The following NRG3 variants were observed in gnomAD, a reference collection of about 807,000 sequenced individuals.
The protein encoded by NRG3 is neuregulin 3.
Under a neutral mutation model 66.9 loss-of-function variants are expected in NRG3, and 31 were observed. The ratio of observed to expected loss-of-function variants is 0.46; its 90% CI spans 0.35 to 0.63. The LOEUF (loss-of-function observed/expected upper bound fraction) is 0.63, where lower values mean the gene tolerates loss of function less well. Among genes scored for constraint, NRG3 ranks in the 20% least tolerant of loss-of-function variants. The pLI, the probability that NRG3 is intolerant of heterozygous loss-of-function variation, is 0.00. For missense variants in NRG3, 910 were observed against 878.9 expected, an observed-to-expected ratio of 1.04 and a Z score of -0.45; for synonymous variants, 393 against 359.4, an observed-to-expected ratio of 1.09 and a Z score of -1.06.
chr10:82,533,686 T>G (rs2132671566), intron 2 of NRG3, among the ~76,000 whole-genome samples: 1 of 152,240 alleles, frequency 6.6e-6, no homozygotes, highest in Admixed American at 6.5e-5. Context: ...AGGACCAAAG[T>G]AAGGATACGT....
chr10:82,527,777 C>A (rs1275933810), intron 2 of NRG3, among the ~76,000 whole-genome samples: 4 of 152,122 alleles, frequency 2.6e-5, no homozygotes, highest in Non-Finnish European at 5.9e-5. Context: ...TCTTAATGAG[C>A]TCTTTTGTTT....
At chr10:82,924,075 C>G (rs1442512016) in intron 4 of NRG3, among the ~76,000 whole-genome samples, 1 of 114,892 alleles carries the variant, frequency 8.7e-6, no homozygotes, top group South Asian at 2.8e-4. Flanking sequence ...GGCAACATAG[C>G]GAGACTGTCT....
At position 82,831,302 on chromosome 10, in the gene NRG3, G is replaced by GT. The variant is rs2062508613; in HGVS notation, c.1028-34108dup. Among the ~76,000 whole-genome samples the GT allele has an allele frequency of 2.6e-5, 4 of 152,278 alleles. No homozygotes were observed. In the South Asian group the frequency reaches 8.3e-4, roughly 32 times the overall value. ...CAAGAAGTCTACTTAACTGATAGGAGTCAGATTTGTACCTGGGACTGCTGA... is the reference window on the plus strand; with the variant it reads ...CAAGAAGTCTACTTAACTGATAGGAGTTCAGATTTGTACCTGGGACTGCTGA... On this transcript the variant is annotated intron_variant, in intron 3 of 8. Transcript: ENST00000372141.
intron 1 of NRG3, among the ~76,000 whole-genome samples, chr10:82,061,038 GT>G (rs1160618209): frequency 6.6e-6 from 1 of 152,150 alleles, no homozygotes. Flanking sequence ...AAGTTGTATT[GT>G]TTTGGTTTGG....
rs1015049451 is a variant in NRG3, at chr10:82,068,241, C to A, written c.823+192078C>A. ...CATAACTGTTTAGAATGCCTTTTAA[C>A]AATTAGTATTTAGTGTCTCACTTTA... On this transcript the variant is annotated intron_variant, in intron 1 of 8. Transcript: ENST00000372141. Among the ~76,000 whole-genome samples, 51 of 152,160 alleles carry A rather than the reference C, an allele frequency of 3.4e-4. 3 individuals are homozygous for A.
At chr10:82,862,778 C>T (rs376670288) in intron 3 of NRG3, among the ~76,000 whole-genome samples, 6 of 152,178 alleles carry the variant, frequency 3.9e-5, no homozygotes, top group South Asian at 2.1e-4. Flanking sequence ...GAGAAGTCAA[C>T]GACCTGAACA....
chr10:82,259,461 T>C (rs753615776), intron 1 of NRG3, among the ~76,000 whole-genome samples: 1 of 152,092 alleles, frequency 6.6e-6, no homozygotes, highest in Non-Finnish European at 1.5e-5. Context: ...TTATGAAAAT[T>C]CCAGCACCTA....
At chr10:82,045,041 CT>C (rs1023282987) in intron 1 of NRG3, among the ~76,000 whole-genome samples, 2 of 151,102 alleles carry the variant, frequency 1.3e-5, no homozygotes, top group African/African-American at 4.9e-5. Context: ...GTGCATGTGT[CT>C]TTATAGCAGC....
chr10:81,875,330 C>G lies in NRG3; in HGVS notation c.-11C>G, dbSNP rs1841521661. ...CCCTCGGGGGGGCGAAGGTGAAGAC[C>G]GGCTCCTAGGATGAGTGAAGGGGCG... On this transcript the variant is annotated 5_prime_UTR_variant, in exon 1 of 9. Coordinates refer to ENST00000372141, the MANE Select transcript of NRG3 (RefSeq NM_001010848.4). This position sits in a 1 kb window ranked among gnomAD's most constrained non-coding sequence, Gnocchi z 5.3. The G allele has an allele frequency of 2.0e-6, 2 of 986,328 alleles. No individual in the cohort carries two copies. The highest frequency in any genetic ancestry group is 3.5e-5 in the African/African-American group (2 of 56,722). 61.1% of individuals were successfully genotyped at this position (986,328 alleles called of 1,614,324 possible). A position where few individuals can be genotyped will look rare whatever the true frequency, so the allele number is the denominator to read the frequency against.
chr10:82,582,288 G>A (rs2046397653), intron 2 of NRG3, among the ~76,000 whole-genome samples: 1 of 152,058 alleles, frequency 6.6e-6, no homozygotes, highest in African/African-American at 2.4e-5. Context: ...AAATAAAATG[G>A]GAGGTAAGGA....
chr10:82,951,421 G>C, intron 4 of NRG3, 48 bp from the exon 5 acceptor site: 4 of 1,433,128 alleles, frequency 2.8e-6, no homozygotes, highest in Non-Finnish European at 3.9e-6. Flanking sequence ...GATAGTTGCT[G>C]ATGCACCCCG....
At chr10:82,920,074 A>G (rs1057337002) in intron 4 of NRG3, among the ~76,000 whole-genome samples, 9 of 152,196 alleles carry the variant, frequency 5.9e-5, no homozygotes, top group African/African-American at 1.9e-4. Context: ...GACATGTAAA[A>G]GTTGGACAAA....
rs139469289 is a variant in NRG3 at position 82,884,211 on chromosome 10, C to A, written c.1054+18774C>A. Among the ~76,000 whole-genome samples, 87 of 152,042 alleles carry A rather than the reference C, an allele frequency of 5.7e-4. No homozygotes were observed. The East Asian group carries it at 9.5e-3, about 17-fold the overall frequency. ...ACATAACTGCAGTTGTTTTATATAG[C>A]CTTTAGTCAACAAAAATATCACTCT... On this transcript the variant is annotated intron_variant, in intron 4 of 8. Transcript: ENST00000372141.
intron 1 of NRG3, among the ~76,000 whole-genome samples, chr10:82,340,129 G>A (rs2082604731): frequency 6.6e-6 from 1 of 152,112 alleles, no homozygotes; most frequent in Non-Finnish European, 1.5e-5. Flanking sequence ...ATATGGGGGT[G>A]GTGGTTGGGG....
At chr10:82,713,972 G>C (rs183297750) in intron 2 of NRG3, among the ~76,000 whole-genome samples, 135 of 152,128 alleles carry the variant, frequency 8.9e-4, no homozygotes, top group African/African-American at 2.6e-3. Context: ...TGAAGGAGCC[G>C]CCATGGTTGT....
chr10:82,319,303 G>A (rs532173715), intron 1 of NRG3, among the ~76,000 whole-genome samples: 1 of 152,148 alleles, frequency 6.6e-6, no homozygotes, highest in African/African-American at 2.4e-5. Flanking sequence ...TTAGTCAATC[G>A]CTTTTTCTAA....
At chr10:82,688,778 A>G (rs574760505) in intron 2 of NRG3, among the ~76,000 whole-genome samples, 1 of 151,790 alleles carries the variant, frequency 6.6e-6, no homozygotes, top group African/African-American at 2.4e-5. Flanking sequence ...AGAAAAAAAA[A>G]AAAGAAAAGA....
At chr10:82,893,222 A>G (rs1843326619) in intron 4 of NRG3, among the ~76,000 whole-genome samples, 1 of 152,196 alleles carries the variant, frequency 6.6e-6, no homozygotes, top group Admixed American at 6.5e-5. Context: ...CAGCCTCCAC[A>G]AATTTCAAAG....
intron 1 of NRG3, among the ~76,000 whole-genome samples, chr10:82,120,631 A>G (rs891639662): frequency 3.3e-5 from 5 of 152,136 alleles, no homozygotes; most frequent in African/African-American, 7.2e-5. Context: ...GGATATTTCA[A>G]TTGTACTGTC....
Sources: gnomAD v4.1 joint callset for allele counts (sites outside exome capture counted in the v4.1 genomes callset) on GRCh38, gnomAD v4.1.1 for gene constraint, Gnocchi (gnomAD v3.1) non-coding constraint, MANE v1.5 for transcripts, NCBI Gene and HGNC (gene_info 2026-07-23, HGNC 2026-07-21) for gene names.